SLCO1B3: variants seen among roughly 807,000 people sequenced by gnomAD.
SLCO1B3 encodes the protein solute carrier organic anion transporter family member 1B3.
SLCO1B3 carries 72 observed loss-of-function variants against 71.8 expected under a neutral mutation model. The observed-to-expected ratio is 1.00, with a 90% CI of 0.83 to 1.22. The LOEUF (loss-of-function observed/expected upper bound fraction) is 1.22, where lower values mean the gene tolerates loss of function less well. SLCO1B3 is among the 50% of genes most tolerant of loss of function. SLCO1B3 has a pLI of 0.00. For synonymous variants in SLCO1B3, 298 were observed against 278.4 expected, an observed-to-expected ratio of 1.07 and a Z score of -0.70; for missense variants, 911 against 819.7, an observed-to-expected ratio of 1.11 and a Z score of -1.36.
intron 15 of SLCO1B3, among the ~76,000 whole-genome samples, chr12:20,909,257 C>A (rs1436232207): frequency 6.6e-6 from 1 of 150,500 alleles, no homozygotes; most frequent in African/African-American, 2.4e-5. Context: ...GCTACGCCTC[C>A]CAGGTTCACG....
chr12:20,860,390 G>C (rs1439901691), intron 5 of SLCO1B3, among the ~76,000 whole-genome samples: 5 of 152,044 alleles, frequency 3.3e-5, no homozygotes, highest in African/African-American at 1.2e-4. Context: ...TTTATTTCTT[G>C]ATCTTCATGT....
intron 3 of SLCO1B3, among the ~76,000 whole-genome samples, chr12:20,849,006 C>T (rs1401861347): frequency 6.6e-6 from 1 of 151,924 alleles, no homozygotes; most frequent in Non-Finnish European, 1.5e-5. Flanking sequence ...TCAGTGTAAA[C>T]AAATGTACCA....
At chr12:20,841,155 C>T (rs1008236980) in intron 3 of SLCO1B3, among the ~76,000 whole-genome samples, 3 of 151,992 alleles carry the variant, frequency 2.0e-5, no homozygotes, top group Non-Finnish European at 4.4e-5. Context: ...GAAGCTGTTA[C>T]TCCTTATATT....
At chr12:20,892,996 G>A (rs1865933336) in intron 13 of SLCO1B3, among the ~76,000 whole-genome samples, 1 of 152,130 alleles carries the variant, frequency 6.6e-6, no homozygotes, top group Non-Finnish European at 1.5e-5. Flanking sequence ...ATGCAGATGA[G>A]CAATTATAAC....
intron 15 of SLCO1B3, among the ~76,000 whole-genome samples, chr12:20,913,679 G>A (rs1213794778): frequency 6.6e-6 from 1 of 152,054 alleles, no homozygotes; most frequent in Non-Finnish European, 1.5e-5. Context: ...CTTTTATTCT[G>A]TATGTCTTCA....
intron 2 of SLCO1B3, 131 bp from the exon 3 acceptor site, chr12:20,815,543 G>A (rs1864177334): frequency 2.1e-6 from 1 of 472,850 alleles, no homozygotes; most frequent in African/African-American, 2.0e-5. Flanking sequence ...TAGTCCTGTG[G>A]TCAGGAAATA....
At position 20,860,597 on chromosome 12, in the gene SLCO1B3, CTTTG is replaced by C. The variant is rs1251535716; in HGVS notation, c.360-418_360-415del. ...TTATTGAGTTTTGAAAAGTCAAGCA[CTTTG>C]TGTGTGTGTGTGTGTGTGTGTGTGT... On this transcript the variant is annotated intron_variant, in intron 5 of 15. Transcript: ENST00000381545. 7.2e-3 allele frequency among the ~76,000 whole-genome samples: 575 copies of C among 80,082 alleles called. 9 individuals are homozygous for C. The highest frequency in any genetic ancestry group is 0.059 in the South Asian group (162 of 2,732). The allele number at this position is 80,082 out of a possible 152,430, so 52.5% of individuals were successfully genotyped here.
At chr12:20,835,902 C>T (rs1027472688) in intron 3 of SLCO1B3, among the ~76,000 whole-genome samples, 7 of 152,122 alleles carry the variant, frequency 4.6e-5, no homozygotes, top group Admixed American at 2.6e-4. Context: ...ATTCCATTCT[C>T]CTGCTGCTAG....
chr12:20,897,714 G>C (rs1866042964), intron 13 of SLCO1B3, among the ~76,000 whole-genome samples: 1 of 152,126 alleles, frequency 6.6e-6, no homozygotes, highest in South Asian at 2.1e-4. Flanking sequence ...TGGGTTATTT[G>C]AGCCACAGTC....
In SLCO1B3 at chr12:20,887,935, G is replaced by C. The variant is rs1265900938; in HGVS notation, c.1682+4333G>C. ...GAGATACGGGTTCAATTTTATGTCT[G>C]TGTATATGGCTCTCCAATTTTCCCA... On this transcript the variant is annotated intron_variant, in intron 13 of 15. Coordinates refer to ENST00000381545, the MANE Select transcript of SLCO1B3 (RefSeq NM_019844.4). Among the ~76,000 whole-genome samples, 9 of 151,706 alleles carry C rather than the reference G, an allele frequency of 5.9e-5. 1 individual carries two copies. In the East Asian group the frequency reaches 1.7e-3, roughly 29 times the overall value.
At chr12:20,812,375 C>T (rs1321845406) in intron 1 of SLCO1B3, among the ~76,000 whole-genome samples, 3 of 144,144 alleles carry the variant, frequency 2.1e-5, no homozygotes, top group Non-Finnish European at 4.7e-5. Flanking sequence ...GTATGTTCTC[C>T]AGTGGTACAG....
chr12:20,893,164 G>A (rs1865936502), intron 13 of SLCO1B3, among the ~76,000 whole-genome samples: 1 of 152,088 alleles, frequency 6.6e-6, no homozygotes, highest in African/African-American at 2.4e-5. Context: ...TATGAGGACT[G>A]GGATGGCCAA....
chr12:20,893,258 C>T (rs1371049256), intron 13 of SLCO1B3, among the ~76,000 whole-genome samples: 1 of 152,044 alleles, frequency 6.6e-6, no homozygotes, highest in Non-Finnish European at 1.5e-5. Context: ...ACTGAAAGGC[C>T]AGAGAACATT....
chr12:20,885,400 A>C (rs1865774221), intron 13 of SLCO1B3, among the ~76,000 whole-genome samples: 1 of 152,124 alleles, frequency 6.6e-6, no homozygotes, highest in South Asian at 2.1e-4. Flanking sequence ...GAAAATGATA[A>C]AACTTCATTA....
chr12:20,852,820 AT>A (rs1003021919), intron 3 of SLCO1B3, among the ~76,000 whole-genome samples: 39 of 151,944 alleles, frequency 2.6e-4, no homozygotes, highest in Middle Eastern at 3.4e-3. Flanking sequence ...TTTTTTCTAA[AT>A]TTTTTTTGGT....
chr12:20,900,476 A>G (rs1474503592), intron 14 of SLCO1B3, among the ~76,000 whole-genome samples: 2 of 152,184 alleles, frequency 1.3e-5, no homozygotes, highest in East Asian at 1.9e-4. Context: ...TCTTAAAACT[A>G]GGAGTTAATC....
intron 13 of SLCO1B3, among the ~76,000 whole-genome samples, chr12:20,885,829 A>C (rs1865783628): frequency 6.6e-6 from 1 of 151,994 alleles, no homozygotes; most frequent in Admixed American, 6.6e-5. Flanking sequence ...AGCTTATTCT[A>C]AGTGTGTTCA....
intron 3 of SLCO1B3, among the ~76,000 whole-genome samples, chr12:20,824,913 T>A (rs1864388903): frequency 6.6e-6 from 1 of 152,156 alleles, no homozygotes; most frequent in Non-Finnish European, 1.5e-5. Context: ...CATAGGTCAT[T>A]GTAAAAGAAA....
chr12:20,814,889 T>C (rs1028311422), intron 2 of SLCO1B3, among the ~76,000 whole-genome samples: 7 of 59,398 alleles, frequency 1.2e-4, no homozygotes, highest in African/African-American at 1.9e-4. Context: ...AGAGCAAGAC[T>C]CCGTCTCAAA....
Sources: allele counts gnomAD v4.1 joint callset (sites outside exome capture counted in the v4.1 genomes callset), GRCh38; gene constraint gnomAD v4.1.1; transcripts MANE v1.5; gene names NCBI Gene and HGNC (gene_info 2026-07-23, HGNC 2026-07-21).